MMP26: variants seen among roughly 807,000 people sequenced by gnomAD.
MMP26 encodes matrix metalloproteinase-26.
In MMP26, 33 loss-of-function variants were observed where a neutral mutation model predicts 31.0. That is an observed-to-expected ratio of 1.06 (90% confidence interval 0.81 to 1.42). The LOEUF (loss-of-function observed/expected upper bound fraction) is 1.42. MMP26 is among the 40% of genes most tolerant of loss of function. MMP26 has a pLI of 0.00. For missense variants in MMP26, 347 were observed against 316.1 expected, an observed-to-expected ratio of 1.10 and a Z score of -0.74; for synonymous variants, 122 against 114.9, an observed-to-expected ratio of 1.06 and a Z score of -0.40.
At chr11:4,982,235 T>C (rs2133641644) in intron 2 of MMP26, among the ~76,000 whole-genome samples, 1 of 152,292 alleles carries the variant, frequency 6.6e-6, no homozygotes, top group South Asian at 2.1e-4. Context: ...ATATACTGTA[T>C]ATAATTGTAT....
At chr11:4,766,494 GA>G (rs112410662) in intron 1 of MMP26, among the ~76,000 whole-genome samples, 37,468 of 151,982 alleles carry the variant, frequency 0.25, 5,968 homozygotes, top group African/African-American at 0.44. Flanking sequence ...TACAGTATTT[GA>G]GGAGTTCTTT....
rs369962065 is a variant in MMP26, at chr11:4,813,091, G to A, written c.-145+45750G>A. 1.5e-4 allele frequency among the ~76,000 whole-genome samples: 22 copies of A among 151,472 alleles called. No homozygotes were observed. The South Asian group carries it at 3.5e-3, about 24-fold the overall frequency. On this transcript the variant is annotated intron_variant, in intron 2 of 7. Coordinates refer to ENST00000380390, the MANE Select transcript of MMP26 (RefSeq NM_021801.5). ...CATTTTAATCCATTGTTCAAACTTC[G>A]CTATCTGGGTTCAAGAGATTCTCCT...
intron 2 of MMP26, among the ~76,000 whole-genome samples, chr11:4,957,334 T>G (rs1006617536): frequency 6.6e-6 from 1 of 152,210 alleles, no homozygotes; most frequent in Non-Finnish European, 1.5e-5. Context: ...CAAATAAAAG[T>G]AAAGTTAATC....
In MMP26 at chr11:4,783,976, T is replaced by C. The variant is rs142531681; in HGVS notation, c.-145+16635T>C. 1.4e-3 allele frequency among the ~76,000 whole-genome samples: 220 copies of C among 152,338 alleles called. 5 individuals carry two copies. The East Asian group carries it at 0.039, about 27-fold the overall frequency. On this transcript the variant is annotated intron_variant, in intron 2 of 7. Transcript: ENST00000380390. ...TAAATTGCCCAGTCTCAGGTATGTC[T>C]TTATCAGAAATGTGAAAATGGACTA...
intron 2 of MMP26, among the ~76,000 whole-genome samples, chr11:4,870,914 A>G (rs1850302586): frequency 6.6e-6 from 1 of 152,094 alleles, no homozygotes; most frequent in African/African-American, 2.4e-5. Context: ...GTATTTGATG[A>G]TATCGGTAAG....
At chr11:4,933,692 T>C (rs1851387211) in intron 2 of MMP26, among the ~76,000 whole-genome samples, 1 of 151,150 alleles carries the variant, frequency 6.6e-6, no homozygotes, top group Non-Finnish European at 1.5e-5. Flanking sequence ...CATCTAGCAT[T>C]AGGTATATCT....
intron 2 of MMP26, among the ~76,000 whole-genome samples, chr11:4,918,621 G>C (rs910691697): frequency 6.6e-6 from 1 of 152,138 alleles, no homozygotes; most frequent in African/African-American, 2.4e-5. Flanking sequence ...GAACCCATTA[G>C]CAGTTTTGGT....
intron 2 of MMP26, among the ~76,000 whole-genome samples, chr11:4,839,504 C>T (rs1381249992): frequency 1.3e-5 from 2 of 151,712 alleles, no homozygotes; most frequent in Admixed American, 6.6e-5. Context: ...AGCTCAGCTG[C>T]AGCAGAATAG....
chr11:4,723,143 T>A, intron 1 of MMP26: 1 of 1,599,320 alleles, frequency 6.3e-7, no homozygotes, highest in Non-Finnish European at 8.6e-7. Context: ...GGAGTTGGCA[T>A]CCTTAATGGC....
At chr11:4,850,584 G>A (rs1011264873) in intron 2 of MMP26, among the ~76,000 whole-genome samples, 6 of 152,136 alleles carry the variant, frequency 3.9e-5, no homozygotes, top group South Asian at 2.1e-4. Flanking sequence ...AAAAGACCAC[G>A]AAAATTGGGA....
At chr11:4,758,055 G>C (rs1848526312) in intron 1 of MMP26, among the ~76,000 whole-genome samples, 1 of 152,124 alleles carries the variant, frequency 6.6e-6, no homozygotes, top group Admixed American at 6.5e-5. Context: ...ATGTATACAA[G>C]TGTTCATAAC....
At chr11:4,905,769 A>G (rs916617808) in intron 2 of MMP26, among the ~76,000 whole-genome samples, 1 of 152,106 alleles carries the variant, frequency 6.6e-6, no homozygotes, top group Non-Finnish European at 1.5e-5. Flanking sequence ...AGTTTTACCA[A>G]TTTTTACCTG....
At chr11:4,768,957 T>C (rs1407883534) in intron 2 of MMP26, 1 of 1,463,564 alleles carries the variant, frequency 6.8e-7, no homozygotes, top group Non-Finnish European at 9.1e-7. Flanking sequence ...GCCAGGTTTG[T>C]ATCAAATAAA....
At chr11:4,933,537 T>G (rs1396030517) in intron 2 of MMP26, among the ~76,000 whole-genome samples, 1 of 137,386 alleles carries the variant, frequency 7.3e-6, no homozygotes, top group Non-Finnish European at 1.6e-5. Flanking sequence ...GTTTTTTTTT[T>G]TGTTTGTTTT....
chr11:4,961,556 G>A (rs1470409516), intron 2 of MMP26, among the ~76,000 whole-genome samples: 1 of 152,132 alleles, frequency 6.6e-6, no homozygotes, highest in Admixed American at 6.5e-5. Context: ...GCAACCATAA[G>A]CATCTCCTTA....
chr11:4,783,554 G>C (rs1848894609), intron 2 of MMP26, among the ~76,000 whole-genome samples: 1 of 152,152 alleles, frequency 6.6e-6, no homozygotes, highest in African/African-American at 2.4e-5. Flanking sequence ...GCTGAAATGA[G>C]CTAAGACTCT....
At chr11:4,812,998 A>T (rs1849370281) in intron 2 of MMP26, among the ~76,000 whole-genome samples, 1 of 145,302 alleles carries the variant, frequency 6.9e-6, no homozygotes. Context: ...TATATGTGCG[A>T]GTGTGTGTGT....
intron 2 of MMP26, among the ~76,000 whole-genome samples, chr11:4,795,843 G>GAGAGA (rs1849100182): frequency 1.4e-5 from 2 of 142,174 alleles, no homozygotes; most frequent in African/African-American, 5.2e-5. Flanking sequence ...AGAGAGAGAG[G>GAGAGA]GAGAGAGAGA....
intron 2 of MMP26, among the ~76,000 whole-genome samples, chr11:4,926,155 T>G (rs969537094): frequency 9.7e-5 from 14 of 143,682 alleles, no homozygotes; most frequent in African/African-American, 2.5e-4. Flanking sequence ...TCCAAATGAA[T>G]AACAATAAAA....
Sources: gnomAD v4.1 joint callset for allele counts (sites outside exome capture counted in the v4.1 genomes callset) on GRCh38, gnomAD v4.1.1 for gene constraint, MANE v1.5 for transcripts, NCBI Gene and HGNC (gene_info 2026-07-23, HGNC 2026-07-21) for gene names.